The following SULF1 variants were observed in gnomAD, a reference collection of about 807,000 sequenced individuals.
SULF1 encodes sulfatase 1.
A neutral mutation model predicts 110.5 loss-of-function variants in SULF1; 46 were observed. The ratio of observed to expected loss-of-function variants is 0.42; its 90% CI spans 0.33 to 0.53. The LOEUF (loss-of-function observed/expected upper bound fraction) is 0.53, where lower values mean the gene tolerates loss of function less well. Among genes scored for constraint, SULF1 ranks in the 20% least tolerant of loss-of-function variants. The probability of loss-of-function intolerance (pLI) is 0.12; values close to 1 mark genes in which losing one functional copy is unlikely to be tolerated. For synonymous variants in SULF1, 371 were observed against 387.1 expected (o/e 0.96, Z 0.49); for missense variants, 941 against 1,094.2 (o/e 0.86, Z 1.98).
intron 3 of SULF1, among the ~76,000 whole-genome samples, chr8:69,550,644 C>T (rs527890353): frequency 3.5e-4 from 53 of 152,200 alleles, no homozygotes; most frequent in South Asian, 1.7e-3. Flanking sequence ...GTGCCCAGAT[C>T]CCGGCACTAG....
At chr8:69,632,267 T>G (rs1810623883) in intron 19 of SULF1, among the ~76,000 whole-genome samples, 1 of 152,298 alleles carries the variant, frequency 6.6e-6, no homozygotes, top group African/African-American at 2.4e-5. Context: ...TTCTTGGTGC[T>G]CTGGTATTCT....
intron 6 of SULF1, among the ~76,000 whole-genome samples, chr8:69,584,138 G>A (rs546440115): frequency 2.0e-5 from 3 of 152,330 alleles, no homozygotes; most frequent in South Asian, 2.1e-4. Context: ...AGAAGAGGGT[G>A]AAGTAACCAG....
At chr8:69,649,204 A>G (rs1473321969) in intron 22 of SULF1, among the ~76,000 whole-genome samples, 1 of 152,268 alleles carries the variant, frequency 6.6e-6, no homozygotes, top group Non-Finnish European at 1.5e-5. Flanking sequence ...ATTTACAGAA[A>G]GGTCGCAAGA....
At chr8:69,489,038 G>A (rs192533185), upstream of SULF1, among the ~76,000 whole-genome samples, 10 of 152,292 alleles carry the variant, frequency 6.6e-5, 1 homozygote, top group Admixed American at 6.5e-4. Flanking sequence ...CTTTCTTGCT[G>A]GAGGGGACAT....
intron 1 of SULF1, among the ~76,000 whole-genome samples, chr8:69,480,760 T>C (rs1239269143): frequency 6.6e-6 from 1 of 152,082 alleles, no homozygotes; most frequent in Non-Finnish European, 1.5e-5. Context: ...ATTTAGAATA[T>C]CCTAAGTATG....
At chr8:69,598,671 C>T (rs1297517944) in intron 8 of SULF1, among the ~76,000 whole-genome samples, 2 of 152,168 alleles carry the variant, frequency 1.3e-5, no homozygotes, top group Non-Finnish European at 2.9e-5. Flanking sequence ...GGATTACAGG[C>T]GTGAGCCACC....
intron 13 of SULF1, among the ~76,000 whole-genome samples, chr8:69,615,084 A>C (rs1808983800): frequency 6.6e-6 from 1 of 152,210 alleles, no homozygotes; most frequent in South Asian, 2.1e-4. Context: ...TGTTTCTGCA[A>C]GGGCACTTGT....
At chr8:69,524,875 A>G (rs759041678) in intron 3 of SULF1, among the ~76,000 whole-genome samples, 2 of 152,184 alleles carry the variant, frequency 1.3e-5, no homozygotes, top group African/African-American at 4.8e-5. Context: ...AAGGAATCCA[A>G]TTTACACGTA....
intron 6 of SULF1, among the ~76,000 whole-genome samples, chr8:69,585,259 G>T: frequency 6.6e-6 from 1 of 152,096 alleles, no homozygotes; most frequent in East Asian, 1.9e-4. Flanking sequence ...TGAAGGGAAA[G>T]CTATGTGTGT....
At chr8:69,533,733 G>A (rs986476646) in intron 3 of SULF1, among the ~76,000 whole-genome samples, 8 of 152,084 alleles carry the variant, frequency 5.3e-5, no homozygotes, top group Non-Finnish European at 1.2e-4. Context: ...TGTATCTATT[G>A]TAGATAGAAT....
chr8:69,587,488 A>G (rs1806553750), intron 7 of SULF1, among the ~76,000 whole-genome samples: 2 of 152,200 alleles, frequency 1.3e-5, no homozygotes, highest in Admixed American at 6.5e-5. Flanking sequence ...AATGAATGCA[A>G]ATGAATTCAT....
At chr8:69,537,192 T>C (rs1374999018) in intron 3 of SULF1, among the ~76,000 whole-genome samples, 1 of 152,092 alleles carries the variant, frequency 6.6e-6, no homozygotes, top group African/African-American at 2.4e-5. Flanking sequence ...TTCAGAACAC[T>C]CTATTTGTCT....
chr8:69,549,245 T>A (rs1194396052), intron 3 of SULF1, among the ~76,000 whole-genome samples: 3 of 152,212 alleles, frequency 2.0e-5, no homozygotes, highest in Admixed American at 1.3e-4. Flanking sequence ...CCCTTTTTTT[T>A]GTTGTGAGCT....
At chr8:69,607,340 C>T (rs1387195542) in intron 13 of SULF1, among the ~76,000 whole-genome samples, 1 of 152,102 alleles carries the variant, frequency 6.6e-6, no homozygotes, top group Admixed American at 6.5e-5. Context: ...ATCTGTGGGT[C>T]AAACCTGATA....
intron 1 of SULF1, among the ~76,000 whole-genome samples, chr8:69,471,088 C>T (rs960888397): frequency 7.9e-5 from 12 of 152,344 alleles, no homozygotes; most frequent in Admixed American, 2.6e-4. Context: ...AGAAGCCTCT[C>T]TGACCGCTAC....
chr8:69,592,577 C>A (rs902956342), intron 8 of SULF1, among the ~76,000 whole-genome samples: 9 of 152,264 alleles, frequency 5.9e-5, no homozygotes, highest in African/African-American at 1.9e-4. Context: ...TCTCTGGAAA[C>A]CTCCACTGTC....
intron 2 of SULF1, among the ~76,000 whole-genome samples, chr8:69,500,442 C>T (rs541229288): frequency 4.5e-4 from 69 of 152,274 alleles, no homozygotes; most frequent in African/African-American, 1.2e-3. Context: ...CTCAGCTGCC[C>T]GGTAGCATAT....
chr8:69,524,754 G>A (rs1005638780), intron 3 of SULF1, among the ~76,000 whole-genome samples: 2 of 152,170 alleles, frequency 1.3e-5, no homozygotes, highest in Non-Finnish European at 2.9e-5. Flanking sequence ...GCCAAAATGA[G>A]ATTCTTCCTC....
intron 13 of SULF1, among the ~76,000 whole-genome samples, chr8:69,606,355 C>A (rs563177195): frequency 2.6e-5 from 4 of 152,286 alleles, no homozygotes; most frequent in African/African-American, 9.6e-5. Context: ...AATTTGAAGT[C>A]TTCAAATCTT....
Sources: allele counts gnomAD v4.1 joint callset (sites outside exome capture counted in the v4.1 genomes callset), GRCh38; gene constraint gnomAD v4.1.1; transcripts MANE v1.5; gene names NCBI Gene and HGNC (gene_info 2026-07-23, HGNC 2026-07-21).